FADS2: variants seen among roughly 807,000 people sequenced by gnomAD.
FADS2 encodes fatty acid desaturase 2, also known as acyl-CoA 6-desaturase.
FADS2 carries 18 observed loss-of-function variants against 61.2 expected under a neutral mutation model. The observed-to-expected ratio is 0.29, with a 90% CI of 0.20 to 0.44. FADS2 has a LOEUF of 0.44. Among genes scored for constraint, FADS2 ranks in the 20% least tolerant of loss-of-function variants. The pLI, the probability that FADS2 is intolerant of heterozygous loss-of-function variation, is 1.00. For missense variants in FADS2, 322 were observed against 572.7 expected, an observed-to-expected ratio of 0.56 and a Z score of 4.47; for synonymous variants, 203 against 223.9, an observed-to-expected ratio of 0.91 and a Z score of 0.83.
chr11:61,816,481 G>A lies in FADS2; in HGVS notation c.141+55G>A. 6.2e-7 allele frequency: 1 copy of A among 1,601,394 alleles called. No individual in the cohort carries two copies. Among genetic ancestry groups the A allele is most frequent in the Non-Finnish European group, 8.5e-7 (1 of 1,178,962 alleles). On this transcript the variant is annotated intron_variant, in intron 1 of 11. Coordinates refer to the FADS2 transcript ENST00000257261. This position sits in a 1 kb window ranked among gnomAD's most constrained non-coding sequence, Gnocchi z 7.0. ...CGAATTAGTCGGTGTTTGGCTCGGA[G>A]TGCGTAACTCTGTCTCCCCTGCACT...
intron 2 of FADS2, among the ~76,000 whole-genome samples, chr11:61,839,451 T>C (rs1327024292): frequency 6.6e-6 from 1 of 152,106 alleles, no homozygotes; most frequent in Non-Finnish European, 1.5e-5. Flanking sequence ...GCCTCCCATG[T>C]AGCTGGGATT....
At chr11:61,824,486 GAGAGAAAGAAAGAAAGGAAAGAA>G (rs2067062495), upstream of FADS2, among the ~76,000 whole-genome samples, 4 of 9,262 alleles carry the variant, frequency 4.3e-4, no homozygotes, top group Non-Finnish European at 2.5e-3. Flanking sequence ...GAGAGAGAGA[GAGAGAAAGAAAGAAAGGAAAGAA>G]AGAAAGAAAG....
upstream of FADS2, among the ~76,000 whole-genome samples, chr11:61,824,423 AG>A (rs2067055798): frequency 8.2e-5 from 1 of 12,128 alleles, no homozygotes; most frequent in Non-Finnish European, 2.1e-4. Flanking sequence ...AGAGAGAGAG[AG>A]AGAGAGAGAG....
At chr11:61,830,149 C>T (rs1377552888) in intron 1 of FADS2, among the ~76,000 whole-genome samples, 2 of 152,192 alleles carry the variant, frequency 1.3e-5, no homozygotes, top group Admixed American at 1.3e-4. Context: ...AAGTAAAGGA[C>T]CTTCTGGATC....
At position 61,865,705 on chromosome 11, in the gene FADS2, G is replaced by A. The variant is rs903520988; in HGVS notation, c.*16G>A. 1.9e-6 allele frequency: 3 copies of A among 1,606,340 alleles called. No individual in the cohort carries two copies. Among genetic ancestry groups the A allele is most frequent in the South Asian group, 1.1e-5 (1 of 90,016 alleles). On this transcript the variant is annotated 3_prime_UTR_variant, in exon 12 of 12. Transcript: ENST00000278840. The surrounding 1 kb of genome is among the most constrained non-coding windows in gnomAD (Gnocchi z 4.1). Reference sequence around the variant, plus strand: ...TCACAAATGAAGCCACAGCCCCCGGGACACCGTGGGGAAGGGGTGCAGGTG... The same window carrying A: ...TCACAAATGAAGCCACAGCCCCCGGAACACCGTGGGGAAGGGGTGCAGGTG...
chr11:61,842,615 A>T (rs1486118917), intron 4 of FADS2, among the ~76,000 whole-genome samples: 1 of 152,142 alleles, frequency 6.6e-6, no homozygotes, highest in Non-Finnish European at 1.5e-5. Context: ...GGATGACAGC[A>T]AACAGGGTCC....
chr11:61,852,606 C>T (rs904878908), intron 5 of FADS2, among the ~76,000 whole-genome samples: 8 of 152,096 alleles, frequency 5.3e-5, no homozygotes, highest in Non-Finnish European at 8.8e-5. Context: ...TCTTTTAAAA[C>T]GCAATCCTTA....
upstream of FADS2, among the ~76,000 whole-genome samples, chr11:61,824,449 AGGGAGG>A (rs1565325226): frequency 5.6e-4 from 2 of 3,588 alleles, no homozygotes; most frequent in Admixed American, 5.7e-3. Context: ...GGAGGGAGGG[AGGGAGG>A]GAGGGAGAGA....
intron 4 of FADS2, chr11:61,846,934 TTA>T (rs1399453699): frequency 6.6e-6 from 1 of 150,950 alleles, no homozygotes; most frequent in African/African-American, 2.4e-5. Context: ...TCCAAATCGT[TTA>T]TTGAGATACA....
At chr11:61,856,826 G>A (rs948131221) in intron 5 of FADS2, 185 bp from the exon 6 acceptor site, 2 of 613,408 alleles carry the variant, frequency 3.3e-6, no homozygotes, top group South Asian at 4.0e-5. Context: ...GCTGGCTGTA[G>A]CATGGGGAGC....
At position 61,837,788 on chromosome 11, in the gene FADS2, G is replaced by T. The variant is rs982324782; in HGVS notation, c.218G>T (p.Arg73Leu). 9 of 1,611,642 alleles carry T rather than the reference G, an allele frequency of 5.6e-6. No homozygotes were observed. The highest frequency in any genetic ancestry group is 1.7e-5 in the Admixed American group (1 of 59,760). The change falls in exon 2 of 12, where the codon CGC (arginine) becomes CTC (leucine). Residue 73 changes from arginine (R) to leucine (L), a missense_variant. Physicochemically the swap from Arg to Leu is moderately radical, Grantham distance 102 (BLOSUM62 -2). This residue lies in a region of FADS2 where 61 missense variants were observed against 107.4 expected (regional missense o/e 0.57). Transcript: ENST00000278840. ...CCCTCTGCTCTCCAGGATGCCTTCC[G>T]CGCCTTCCACCCTGACCTGGAATTC... ...YAGEDATDAF[R>L]AFHPDLEFVG... is the part of the protein sequence containing the mutation.
chr11:61,856,647 T>A, intron 5 of FADS2: 1 of 251,260 alleles, frequency 4.0e-6, no homozygotes, highest in East Asian at 7.8e-5. Flanking sequence ...TTAGTGCCTG[T>A]CACATGGGCT....
intron 5 of FADS2, among the ~76,000 whole-genome samples, chr11:61,854,002 C>T (rs887937987): frequency 2.0e-5 from 3 of 152,206 alleles, no homozygotes; most frequent in Non-Finnish European, 4.4e-5. Flanking sequence ...GAGTCAGCCC[C>T]GCCGCCAGGG....
Position 61,865,713 on chromosome 11 carries a change from G to C in FADS2, c.*24G>C, listed in dbSNP as rs964847672. On this transcript the variant is annotated 3_prime_UTR_variant, in exon 12 of 12. Coordinates refer to ENST00000278840, the MANE Select transcript of FADS2 (RefSeq NM_004265.4). This position sits in a 1 kb window ranked among gnomAD's most constrained non-coding sequence, Gnocchi z 4.1. The stretch of plus-strand genomic sequence containing the variant: ...GAAGCCACAGCCCCCGGGACACCGT[G>C]GGGAAGGGGTGCAGGTGGGGTGATG... 1.2e-6 allele frequency: 2 copies of C among 1,601,338 alleles called. No homozygotes were observed. The highest frequency in any genetic ancestry group is 2.7e-5 in the African/African-American group (2 of 74,718).
intron 7 of FADS2, 87 bp downstream of exon 7, chr11:61,857,617 G>A: frequency 1.7e-6 from 2 of 1,209,074 alleles, no homozygotes; most frequent in Non-Finnish European, 2.4e-6. Flanking sequence ...CTCCTCGTGT[G>A]CCCCAGTGGA....
At chr11:61,862,730 C>T (rs1482890862) in intron 7 of FADS2, 1 of 532,750 alleles carries the variant, frequency 1.9e-6, no homozygotes, top group Non-Finnish European at 3.4e-6. Flanking sequence ...GGGTCCGTTT[C>T]TCTCCCGAAA....
chr11:61,826,278 T>C (rs1246106323), upstream of FADS2: 14 of 702,442 alleles, frequency 2.0e-5, no homozygotes, highest in Non-Finnish European at 3.4e-5. Context: ...TTTATGTTTT[T>C]TCAGGACCTA....
At chr11:61,862,921 G>A in intron 7 of FADS2, 51 bp from the exon 8 acceptor site, 1 of 1,472,124 alleles carries the variant, frequency 6.8e-7, no homozygotes, top group East Asian at 2.3e-5. Flanking sequence ...CGCACTTGGT[G>A]CCAGGGCAGA....
intron 7 of FADS2, among the ~76,000 whole-genome samples, chr11:61,860,779 C>T (rs572659434): frequency 6.6e-5 from 10 of 152,180 alleles, no homozygotes; most frequent in Non-Finnish European, 1.3e-4. Context: ...CGTGGTGATG[C>T]GCGCCTGTAA....
Sources: gnomAD v4.1 joint callset for allele counts (sites outside exome capture counted in the v4.1 genomes callset) on GRCh38, gnomAD v4.1.1 for gene constraint, gnomAD v4.1.1 regional missense constraint, Gnocchi (gnomAD v3.1) non-coding constraint, MANE v1.5 for transcripts, NCBI Gene and HGNC (gene_info 2026-07-23, HGNC 2026-07-21) for gene names.